The following TMEFF2 variants were observed in gnomAD, a reference collection of about 807,000 sequenced individuals.
The protein encoded by TMEFF2 is transmembrane protein with EGF like and two follistatin like domains 2, also known as tomoregulin-2.
A neutral mutation model predicts 53.8 loss-of-function variants in TMEFF2; 28 were observed. The ratio of observed to expected loss-of-function variants is 0.52; its 90% CI spans 0.39 to 0.71. TMEFF2 has a LOEUF of 0.71. Ranked by LOEUF, TMEFF2 falls within the 30% of genes least tolerant of loss-of-function variation. The pLI, the probability that TMEFF2 is intolerant of heterozygous loss-of-function variation, is 0.00. For missense variants in TMEFF2, 353 were observed against 455.2 expected (o/e 0.78, Z 2.04); for synonymous variants, 162 against 166.3 (o/e 0.97, Z 0.20).
chr2:192,179,913 C>G (rs193040761), intron 3 of TMEFF2, among the ~76,000 whole-genome samples: 1 of 151,376 alleles, frequency 6.6e-6, no homozygotes, highest in African/African-American at 2.4e-5. Flanking sequence ...CAGAGCTTTA[C>G]GAAAACATTA....
intron 4 of TMEFF2, among the ~76,000 whole-genome samples, chr2:192,164,752 ACT>A (rs1690718717): frequency 6.6e-6 from 1 of 150,900 alleles, no homozygotes; most frequent in African/African-American, 2.4e-5. Flanking sequence ...AAGTAACCAC[ACT>A]CTGAAATGTT....
chr2:192,090,285 G>A lies in TMEFF2; in HGVS notation c.440-32510C>T, dbSNP rs907222875. On this transcript the variant is annotated intron_variant, in intron 4 of 9. Coordinates refer to ENST00000272771, the MANE Select transcript of TMEFF2 (RefSeq NM_016192.4). Reference sequence around the variant, plus strand: ...TCAACAACTGAAGGAAATGCTGAAAGACAAAAATTGTAGATTCTTTAGTGG... The same window carrying A: ...TCAACAACTGAAGGAAATGCTGAAAAACAAAAATTGTAGATTCTTTAGTGG... Among the ~76,000 whole-genome samples the A allele has an allele frequency of 2.6e-5, 4 of 152,170 alleles. No individual in the cohort carries two copies. In the East Asian group the frequency reaches 7.7e-4, roughly 29 times the overall value.
In TMEFF2 at chr2:191,963,522, G is replaced by A. The variant is rs1161240470; in HGVS notation, c.746-7144C>T. On this transcript the variant is annotated intron_variant, in intron 7 of 9. Transcript: ENST00000272771. ...GGATAGTCAAGACAAACCTCCTCAG[G>A]TGATGTAACCGTTTTCTTCTGTGAC... 2.0e-5 allele frequency among the ~76,000 whole-genome samples: 3 copies of A among 152,296 alleles called. No homozygotes were observed. The South Asian group carries it at 6.2e-4, about 32-fold the overall frequency.
In TMEFF2 at chr2:192,115,838, G is replaced by C. The variant is rs144725798; in HGVS notation, c.440-58063C>G. The stretch of plus-strand genomic sequence containing the variant: ...CTATTATAAAAAAGTCAAAAGATAA[G>C]TGTTGCCAGGGATGTGGGGAAAAGG... On this transcript the variant is annotated intron_variant, in intron 4 of 9. Transcript: ENST00000272771. Among the ~76,000 whole-genome samples, 461 of 151,998 alleles carry C rather than the reference G, an allele frequency of 3.0e-3. 2 individuals carry two copies. The highest frequency in any genetic ancestry group is 0.011 in the African/African-American group (440 of 41,538).
intron 5 of TMEFF2, among the ~76,000 whole-genome samples, chr2:192,000,879 C>T (rs1368595666): frequency 6.6e-6 from 1 of 152,172 alleles, no homozygotes; most frequent in Non-Finnish European, 1.5e-5. Flanking sequence ...ACACTTAACT[C>T]ATTGAGGAGC....
At position 192,194,566 on chromosome 2, in the gene TMEFF2, G is replaced by T; in HGVS notation, c.-42C>A. ...TCTGCAGCAGCAAACGGCTTCCGAG[G>T]AACACAGGATCGCGGGGGCCGGGCA... On this transcript the variant is annotated 5_prime_UTR_variant, in exon 1 of 10. Coordinates refer to ENST00000272771, the MANE Select transcript of TMEFF2 (RefSeq NM_016192.4). The surrounding 1 kb of genome is among the most constrained non-coding windows in gnomAD (Gnocchi z 4.2). 6.3e-7 allele frequency: 1 copy of T among 1,596,860 alleles called. No homozygotes were observed. The highest frequency in any genetic ancestry group is 1.1e-5 in the South Asian group (1 of 89,930).
intron 7 of TMEFF2, among the ~76,000 whole-genome samples, chr2:191,995,376 A>G (rs1574275075): frequency 6.6e-6 from 1 of 151,994 alleles, no homozygotes; most frequent in East Asian, 1.9e-4. Flanking sequence ...GGCAAAAATG[A>G]TAGTATGTTA....
chr2:192,074,047 C>G (rs1024852568), intron 4 of TMEFF2, among the ~76,000 whole-genome samples: 5 of 151,928 alleles, frequency 3.3e-5, no homozygotes, highest in African/African-American at 1.2e-4. Context: ...CTGGGAGGGT[C>G]AACTGAGATC....
intron 5 of TMEFF2, among the ~76,000 whole-genome samples, chr2:192,040,346 C>T (rs750781665): frequency 5.9e-5 from 9 of 152,066 alleles, no homozygotes; most frequent in Admixed American, 2.0e-4. Context: ...TTATTCAACT[C>T]GAATTTTCTC....
At chr2:192,037,344 A>AGGAAGGAAGGAAGG (rs1574313401) in intron 5 of TMEFF2, among the ~76,000 whole-genome samples, 1 of 151,246 alleles carries the variant, frequency 6.6e-6, no homozygotes, top group African/African-American at 2.4e-5. Flanking sequence ...AAAAACAGAA[A>AGGAAGGAAGGAAGG]ACAGAAAAAA....
At chr2:191,952,401 T>C (rs191127360) in intron 9 of TMEFF2, among the ~76,000 whole-genome samples, 1 of 152,310 alleles carries the variant, frequency 6.6e-6, no homozygotes, top group East Asian at 1.9e-4. Context: ...TAAATATAGG[T>C]TTTGTTTTTC....
chr2:192,194,079 T>C lies in TMEFF2; in HGVS notation c.172+274A>G, dbSNP rs13031755. Among the ~76,000 whole-genome samples the C allele has an allele frequency of 0.021, 3,205 of 152,270 alleles. 71 individuals are homozygous for C. Among genetic ancestry groups the C allele is most frequent in the Admixed American group, 0.068 (1,038 of 15,292 alleles). Reference sequence around the variant, plus strand: ...AGTGAACCCAGAAAACCATCCCGTTTAATATTTCTCAAAATCCTCGCAGCT... The same window carrying C: ...AGTGAACCCAGAAAACCATCCCGTTCAATATTTCTCAAAATCCTCGCAGCT... On this transcript the variant is annotated intron_variant, in intron 1 of 9. Transcript: ENST00000272771. The surrounding 1 kb of genome is among the most constrained non-coding windows in gnomAD (Gnocchi z 4.2).
chr2:191,981,642 AATT>A (rs1685853334), intron 7 of TMEFF2, among the ~76,000 whole-genome samples: 1 of 152,214 alleles, frequency 6.6e-6, no homozygotes, highest in Non-Finnish European at 1.5e-5. Flanking sequence ...TTATTTGAAT[AATT>A]ATAATTTGGC....
chr2:191,991,589 T>A (rs1477041299), intron 7 of TMEFF2, among the ~76,000 whole-genome samples: 4 of 152,044 alleles, frequency 2.6e-5, no homozygotes, highest in African/African-American at 7.2e-5. Flanking sequence ...ATTACCACGA[T>A]AGCATGGCCA....
intron 4 of TMEFF2, among the ~76,000 whole-genome samples, chr2:192,148,652 G>A (rs1690311771): frequency 6.6e-6 from 1 of 151,986 alleles, no homozygotes; most frequent in Admixed American, 6.6e-5. Flanking sequence ...AGTGGCCAAA[G>A]GACACATTTT....
At chr2:191,973,645 T>G (rs1374423808) in intron 7 of TMEFF2, among the ~76,000 whole-genome samples, 1 of 152,086 alleles carries the variant, frequency 6.6e-6, no homozygotes, top group Non-Finnish European at 1.5e-5. Context: ...TAAAATAGAT[T>G]TAGGTTTAGA....
At chr2:191,959,749 G>A (rs1215100886) in intron 7 of TMEFF2, among the ~76,000 whole-genome samples, 1 of 152,142 alleles carries the variant, frequency 6.6e-6, no homozygotes, top group African/African-American at 2.4e-5. Flanking sequence ...ATATTACAGT[G>A]TAAAATTTGA....
rs1272743356 is a variant in TMEFF2, at chr2:192,186,852, T to C, written c.283-2369A>G. ...CTGGGAGTGGAGAGTGGAAAGTATTTATTATCTCTCCCAAGTGCTAGTACA... is the reference window on the plus strand; with the variant it reads ...CTGGGAGTGGAGAGTGGAAAGTATTCATTATCTCTCCCAAGTGCTAGTACA... On this transcript the variant is annotated intron_variant, in intron 2 of 9. Coordinates refer to ENST00000272771, the MANE Select transcript of TMEFF2 (RefSeq NM_016192.4). 2.0e-5 allele frequency among the ~76,000 whole-genome samples: 3 copies of C among 152,180 alleles called. No homozygotes were observed. In the East Asian group the frequency reaches 5.8e-4, roughly 29 times the overall value.
chr2:192,013,959 T>C (rs887357889), intron 5 of TMEFF2, among the ~76,000 whole-genome samples: 7 of 152,248 alleles, frequency 4.6e-5, no homozygotes, highest in African/African-American at 1.4e-4. Context: ...TTCAGTGATC[T>C]AGACATAAAG....
Sources: allele counts gnomAD v4.1 joint callset (sites outside exome capture counted in the v4.1 genomes callset), GRCh38; gene constraint gnomAD v4.1.1; non-coding constraint Gnocchi (gnomAD v3.1); transcripts MANE v1.5; gene names NCBI Gene and HGNC (gene_info 2026-07-23, HGNC 2026-07-21).